KIF21A: variants seen among roughly 807,000 people sequenced by gnomAD.
The protein encoded by KIF21A is kinesin-like protein KIF21A.
KIF21A carries 114 observed loss-of-function variants against 202.9 expected under a neutral mutation model. The ratio of observed to expected loss-of-function variants is 0.56; its 90% CI spans 0.48 to 0.66. The LOEUF is 0.66. Among genes scored for constraint, KIF21A ranks in the 30% least tolerant of loss-of-function variants. The probability of loss-of-function intolerance (pLI) is 0.00; values close to 1 mark genes in which losing one functional copy is unlikely to be tolerated. For synonymous variants in KIF21A, 667 were observed against 670.8 expected (o/e 0.99, Z 0.09); for missense variants, 1,677 against 1,994.9 (o/e 0.84, Z 3.04).
chr12:39,438,812 GTCAGAAGAGA>G (rs1939175154), intron 1 of KIF21A, among the ~76,000 whole-genome samples: 1 of 152,150 alleles, frequency 6.6e-6, no homozygotes, highest in Non-Finnish European at 1.5e-5. Flanking sequence ...AAGTTATCGT[GTCAGAAGAGA>G]TAAGGAAGAG....
intron 26 of KIF21A, 25 bp from the exon 27 acceptor site, chr12:39,322,907 C>CAAAGA: frequency 6.9e-7 from 1 of 1,451,416 alleles, no homozygotes; most frequent in Non-Finnish European, 9.2e-7. Flanking sequence ...GAAGGAAAAG[C>CAAAGA]AATCAGGAGC....
In KIF21A at chr12:39,324,439, C is replaced by T. The variant is rs144758228; in HGVS notation, c.3456+1400G>A. On this transcript the variant is annotated intron_variant, in intron 26 of 37. Transcript: ENST00000361418. Reference sequence around the variant, plus strand: ...TTCTCTCCTTTGCTTAGGACTAGATCCGAACCATAGCAGAATGTTTTATTT... The same window carrying T: ...TTCTCTCCTTTGCTTAGGACTAGATTCGAACCATAGCAGAATGTTTTATTT... Among the ~76,000 whole-genome samples the T allele has an allele frequency of 4.7e-3, 722 of 152,278 alleles. 6 individuals are homozygous for T. The highest frequency in any genetic ancestry group is 0.027 in the Middle Eastern group (8 of 294).
intron 28 of KIF21A, among the ~76,000 whole-genome samples, chr12:39,318,674 G>A (rs1284503894): frequency 6.6e-6 from 1 of 152,114 alleles, no homozygotes; most frequent in Non-Finnish European, 1.5e-5. Flanking sequence ...AGTACAGGAA[G>A]CAAGGGTGAT....
intron 37 of KIF21A, among the ~76,000 whole-genome samples, chr12:39,298,174 T>A (rs1048724018): frequency 6.6e-6 from 1 of 152,118 alleles, no homozygotes; most frequent in Non-Finnish European, 1.5e-5. Context: ...GCCCCAGCTA[T>A]CTGCCTGGAA....
intron 1 of KIF21A, among the ~76,000 whole-genome samples, chr12:39,377,936 A>G (rs911234438): frequency 2.6e-5 from 4 of 152,156 alleles, no homozygotes; most frequent in African/African-American, 9.7e-5. Flanking sequence ...TCTCATCTCT[A>G]TGTGGTCCAC....
At chr12:39,401,847 A>G (rs1187103015) in intron 1 of KIF21A, among the ~76,000 whole-genome samples, 2 of 152,306 alleles carry the variant, frequency 1.3e-5, no homozygotes, top group East Asian at 3.9e-4. Flanking sequence ...ATATTTTTTA[A>G]AAAAGGAGAA....
intron 1 of KIF21A, among the ~76,000 whole-genome samples, chr12:39,406,615 G>A (rs765683581): frequency 2.2e-4 from 33 of 152,190 alleles, no homozygotes; most frequent in Admixed American, 3.3e-4. Context: ...TTTTCCCTGT[G>A]TATCATCTAA....
At position 39,386,145 on chromosome 12, in the gene KIF21A, G is replaced by A. The variant is rs112654056; in HGVS notation, c.45-15884C>T. ...AACAAAATCTTTGCCTGGACACCCT[G>A]CACATTCTAAGCTTCCTTGCAGCTA... is the stretch of plus-strand genomic sequence containing the variant. On this transcript the variant is annotated intron_variant, in intron 1 of 37. Coordinates refer to ENST00000361418, the MANE Select transcript of KIF21A (RefSeq NM_001173464.2). Among the ~76,000 whole-genome samples, 384 of 152,204 alleles carry A rather than the reference G, an allele frequency of 2.5e-3. 1 individual carries two copies. The highest frequency in any genetic ancestry group is 4.2e-3 in the Non-Finnish European group (283 of 68,004).
chr12:39,381,687 T>C (rs1950626199), intron 1 of KIF21A, among the ~76,000 whole-genome samples: 1 of 152,190 alleles, frequency 6.6e-6, no homozygotes, highest in Non-Finnish European at 1.5e-5. Context: ...GTAAGGAAAA[T>C]GTGGTAGGCA....
At chr12:39,307,051 TTTTAA>T (rs1943541917) in intron 34 of KIF21A, among the ~76,000 whole-genome samples, 1 of 152,222 alleles carries the variant, frequency 6.6e-6, no homozygotes, top group Non-Finnish European at 1.5e-5. Flanking sequence ...ATGCCTTAAA[TTTTAA>T]TTTATCATTT....
chr12:39,311,347 A>T (rs574138312), intron 32 of KIF21A, 70 bp downstream of exon 32: 1 of 1,399,362 alleles, frequency 7.1e-7, no homozygotes, highest in Non-Finnish European at 1.0e-6. Context: ...AGTTTTCTAG[A>T]ATATGTTAAA....
intron 34 of KIF21A, among the ~76,000 whole-genome samples, chr12:39,306,891 T>A (rs953391738): frequency 1.2e-4 from 18 of 152,310 alleles, no homozygotes; most frequent in African/African-American, 4.3e-4. Flanking sequence ...ATGCCTGACA[T>A]ATTTGGGTTG....
At position 39,346,450 on chromosome 12, in the gene KIF21A, T is replaced by C; in HGVS notation, c.1712+16A>G. ...TTAAACGACATTTTAATAAAAAACC[T>C]GGGAAATATTCCAACCTTCTTTCTT... On this transcript the variant is annotated intron_variant, in intron 12 of 37. Transcript: ENST00000361418. The C allele has an allele frequency of 1.4e-6, 2 of 1,456,310 alleles. No homozygotes were observed. The highest frequency in any genetic ancestry group is 1.8e-6 in the Non-Finnish European group (2 of 1,108,392). The allele number at this position is 1,456,310 out of a possible 1,614,324, so 90.2% of individuals were successfully genotyped here. A position where few individuals can be genotyped will look rare whatever the true frequency, so the allele number is the denominator to read the frequency against.
intron 1 of KIF21A, among the ~76,000 whole-genome samples, chr12:39,406,765 C>T (rs988984050): frequency 6.6e-6 from 1 of 152,200 alleles, no homozygotes; most frequent in African/African-American, 2.4e-5. Flanking sequence ...GCCACAATCT[C>T]CACTTTACGT....
In KIF21A at chr12:39,363,154, G is replaced by C. The variant is rs776183663; in HGVS notation, c.963C>G (p.Val321=). ...LGDKSKRATH[V]PYRDSKLTRL... is the part of the protein sequence containing the mutation. ...TTGTTAGCTTGGAATCTCTATAGGG[G>C]ACATGTGTGGCCCTCTTGCTCTTGT... is the stretch of plus-strand genomic sequence containing the variant. The change falls in exon 7 of 38, where the codon GTC becomes GTG. Residue 321 remains valine (V), a synonymous_variant. Transcript: ENST00000361418. 45 of 1,613,266 alleles carry C rather than the reference G, an allele frequency of 2.8e-5. No homozygotes were observed. Among genetic ancestry groups the C allele is most frequent in the East Asian group, 2.2e-5 (1 of 44,804 alleles).
At chr12:39,304,729 G>T in intron 35 of KIF21A, 92 bp downstream of exon 35, 1 of 734,512 alleles carries the variant, frequency 1.4e-6, no homozygotes. Context: ...AAGGAAAAAA[G>T]AAAATAAGAG....
At chr12:39,351,723 A>G in intron 11 of KIF21A, 54 bp downstream of exon 11, 1 of 1,118,250 alleles carries the variant, frequency 8.9e-7, no homozygotes, top group Non-Finnish European at 1.3e-6. Flanking sequence ...TTGCAAATTA[A>G]AATACCCTGA....
intron 10 of KIF21A, chr12:39,356,597 T>G (rs1484430334): frequency 2.8e-6 from 1 of 360,460 alleles, no homozygotes; most frequent in Non-Finnish European, 5.0e-6. Flanking sequence ...CACCCAATAT[T>G]GGGACATAGC....
intron 26 of KIF21A, 49 bp from the exon 27 acceptor site, chr12:39,322,931 G>C: frequency 8.1e-7 from 1 of 1,229,144 alleles, no homozygotes; most frequent in Non-Finnish European, 1.1e-6. Context: ...CTCTTGCATA[G>C]AAGCTGATTA....
Sources: gnomAD v4.1 joint callset for allele counts (sites outside exome capture counted in the v4.1 genomes callset) on GRCh38, gnomAD v4.1.1 for gene constraint, MANE v1.5 for transcripts, NCBI Gene and HGNC (gene_info 2026-07-23, HGNC 2026-07-21) for gene names.